Variants in RARS2 observed in about 807,000 individuals in gnomAD.
The protein encoded by RARS2 is arginyl-tRNA synthetase 2, mitochondrial, also known as probable arginine--tRNA ligase, mitochondrial.
Under a neutral mutation model 88.5 loss-of-function variants are expected in RARS2, and 67 were observed. The ratio of observed to expected loss-of-function variants is 0.76; its 90% CI spans 0.62 to 0.93. The LOEUF (loss-of-function observed/expected upper bound fraction) is 0.93. Ranked by LOEUF, RARS2 falls within the 40% of genes least tolerant of loss-of-function variation. The pLI is 0.00. For missense variants in RARS2, 664 were observed against 684.2 expected (o/e 0.97, Z 0.33); for synonymous variants, 239 against 230.3 (o/e 1.04, Z -0.34).
intron 9 of RARS2, 75 bp downstream of exon 9, chr6:87,530,709 G>GC: frequency 6.5e-7 from 1 of 1,545,406 alleles, no homozygotes; most frequent in Non-Finnish European, 8.9e-7. Context: ...AGCTTAACAC[G>GC]CAACTTTACT....
At chr6:87,556,534 C>T (rs912128279) in intron 4 of RARS2, among the ~76,000 whole-genome samples, 4 of 151,890 alleles carry the variant, frequency 2.6e-5, no homozygotes, top group African/African-American at 7.3e-5. Context: ...CGCCTGTAAC[C>T]CCAGCACTTT....
At chr6:87,552,735 GA>G (rs778363850) in intron 5 of RARS2, among the ~76,000 whole-genome samples, 1 of 151,974 alleles carries the variant, frequency 6.6e-6, no homozygotes, top group Non-Finnish European at 1.5e-5. Context: ...AGCTTAGCTG[GA>G]GTAAAAAGAT....
At chr6:87,526,786 T>G (rs964730815) in intron 10 of RARS2, among the ~76,000 whole-genome samples, 8 of 151,428 alleles carry the variant, frequency 5.3e-5, no homozygotes, top group Non-Finnish European at 8.8e-5. Flanking sequence ...TTCTCCTGCC[T>G]GAGCCTCCCA....
Position 87,530,858 on chromosome 6 carries a change from C to T in RARS2, c.697G>A (p.Gly233Ser), listed in dbSNP as rs184918189. Residue 233 changes from glycine to serine, a missense_variant, in exon 9 of 20, where the codon GGC becomes AGC. Physicochemically the swap from Gly to Ser is moderately conservative, Grantham distance 56. Coordinates refer to ENST00000369536, the MANE Select transcript of RARS2 (RefSeq NM_020320.5). ...CACAGTGAAAGTGCTTGCACATCGC[C>T]CAGTTCCAATCGTTGGAAGAACTCC... The part of the protein sequence containing the change: ...AQEFFQRLEL[G>S]DVQALSLWQK... 1 of 1,614,176 alleles carries T rather than the reference C, an allele frequency of 6.2e-7. No homozygotes were observed. The highest frequency in any genetic ancestry group is 2.2e-5 in the East Asian group (1 of 44,884).
intron 2 of RARS2, 32 bp downstream of exon 2, chr6:87,569,464 ATCAACAAAGTCAGCAACATTT>A: frequency 8.4e-6 from 12 of 1,420,610 alleles, no homozygotes; most frequent in Non-Finnish European, 1.2e-5. Context: ...TTTTTGGTGT[ATCAACAAAGTCAGCAACATTT>A]TATAGATTGT....
intron 8 of RARS2, among the ~76,000 whole-genome samples, chr6:87,538,300 C>T (rs187068093): frequency 5.9e-5 from 9 of 152,226 alleles, no homozygotes; most frequent in Non-Finnish European, 1.0e-4. Context: ...TGAATCTATT[C>T]GGCAAAAGAA....
At chr6:87,581,898 T>G (rs878966176) in intron 1 of RARS2, among the ~76,000 whole-genome samples, 1 of 152,178 alleles carries the variant, frequency 6.6e-6, no homozygotes, top group African/African-American at 2.4e-5. Flanking sequence ...TAATGGTTTC[T>G]GGCTCCATTC....
intron 1 of RARS2, chr6:87,589,714 C>T (rs985381080): frequency 3.0e-6 from 3 of 985,202 alleles, no homozygotes; most frequent in African/African-American, 1.7e-5. Context: ...TCAAAGTTTA[C>T]TTTTCACCGA....
intron 1 of RARS2, among the ~76,000 whole-genome samples, chr6:87,577,790 T>A (rs972384819): frequency 2.6e-5 from 4 of 152,224 alleles, no homozygotes; most frequent in Non-Finnish European, 5.9e-5. Flanking sequence ...AATGTCTTCA[T>A]CCCTTATGGT....
chr6:87,581,373 T>C (rs1738545057), intron 1 of RARS2, among the ~76,000 whole-genome samples: 1 of 152,136 alleles, frequency 6.6e-6, no homozygotes, highest in Admixed American at 6.5e-5. Flanking sequence ...CAGTTGTTCC[T>C]CACTTCTGAT....
intron 4 of RARS2, among the ~76,000 whole-genome samples, chr6:87,562,246 T>C (rs531823534): frequency 6.6e-6 from 1 of 152,294 alleles, no homozygotes; most frequent in African/African-American, 2.4e-5. Flanking sequence ...TGATACAGTC[T>C]ACTATACGCC....
intron 8 of RARS2, among the ~76,000 whole-genome samples, chr6:87,539,616 G>A (rs752343048): frequency 2.6e-5 from 4 of 152,088 alleles, no homozygotes; most frequent in Non-Finnish European, 5.9e-5. Flanking sequence ...CTAGCCAATC[G>A]GGACAAATAC....
intron 8 of RARS2, among the ~76,000 whole-genome samples, chr6:87,538,480 T>C (rs189193169): frequency 3.9e-4 from 60 of 152,330 alleles, no homozygotes; most frequent in Admixed American, 1.6e-3. Flanking sequence ...TTAAACTGCA[T>C]AGAAAGAAAT....
At chr6:87,581,844 T>A (rs1773568949) in intron 1 of RARS2, among the ~76,000 whole-genome samples, 1 of 152,186 alleles carries the variant, frequency 6.6e-6, no homozygotes, top group African/African-American at 2.4e-5. Flanking sequence ...CAAGGGACAA[T>A]GTGCAGTGTT....
intron 1 of RARS2, among the ~76,000 whole-genome samples, chr6:87,582,306 G>C (rs1227881419): frequency 6.6e-6 from 1 of 152,142 alleles, no homozygotes; most frequent in Non-Finnish European, 1.5e-5. Context: ...ATTCTGACTG[G>C]CATGAGATGG....
chr6:87,564,393 C>T, intron 2 of RARS2, 161 bp from the exon 3 acceptor site: 1 of 629,982 alleles, frequency 1.6e-6, no homozygotes, highest in South Asian at 1.8e-5. Context: ...AGAGCGGTGG[C>T]TCATGCCTGT....
intron 11 of RARS2, among the ~76,000 whole-genome samples, chr6:87,522,179 A>G (rs1289269409): frequency 6.6e-6 from 1 of 152,100 alleles, no homozygotes; most frequent in African/African-American, 2.4e-5. Flanking sequence ...AAAATACAAA[A>G]ATTAGCTGGG....
At chr6:87,547,796 C>A (rs1399505161) in intron 6 of RARS2, among the ~76,000 whole-genome samples, 6 of 151,940 alleles carry the variant, frequency 3.9e-5, no homozygotes, top group Admixed American at 3.9e-4. Context: ...CACACCATCA[C>A]ACCAGCTGAT....
intron 8 of RARS2, among the ~76,000 whole-genome samples, chr6:87,534,742 G>A (rs765826079): frequency 2.0e-5 from 3 of 152,154 alleles, no homozygotes; most frequent in Non-Finnish European, 4.4e-5. Context: ...TACCTGGAAT[G>A]GGGAGGAGAT....
Sources: gnomAD v4.1 joint callset for allele counts (sites outside exome capture counted in the v4.1 genomes callset) on GRCh38, gnomAD v4.1.1 for gene constraint, MANE v1.5 for transcripts, NCBI Gene and HGNC (gene_info 2026-07-23, HGNC 2026-07-21) for gene names.